Variants in OSBPL9 observed in about 807,000 individuals in gnomAD.
OSBPL9 encodes oxysterol-binding protein-related protein 9.
A neutral mutation model predicts 106.6 loss-of-function variants in OSBPL9; 40 were observed. The observed-to-expected ratio is 0.38, with a 90% CI of 0.29 to 0.49. The LOEUF (loss-of-function observed/expected upper bound fraction) is 0.49. OSBPL9 is among the 20% of genes least tolerant of loss of function. OSBPL9 has a pLI of 0.97. For missense variants in OSBPL9, 609 were observed against 887.2 expected, an observed-to-expected ratio of 0.69 and a Z score of 3.98; for synonymous variants, 269 against 295.4, an observed-to-expected ratio of 0.91 and a Z score of 0.92.
At chr1:51,686,393 T>C (rs1653811810) in intron 3 of OSBPL9, among the ~76,000 whole-genome samples, 2 of 152,224 alleles carry the variant, frequency 1.3e-5, no homozygotes, top group South Asian at 4.1e-4. Flanking sequence ...CTTTCCTTCC[T>C]TGTTACTCTT....
chr1:51,568,327 G>C, the OSBPL9 span, among the ~76,000 whole-genome samples: 2 of 152,278 alleles, frequency 1.3e-5, no homozygotes, highest in South Asian at 4.1e-4. Context: ...CCCACTTTTA[G>C]CTGGGAAAAT....
chr1:51,524,166 C>T, the OSBPL9 span, among the ~76,000 whole-genome samples: 13 of 152,244 alleles, frequency 8.5e-5, no homozygotes, highest in Admixed American at 7.9e-4. Context: ...ACAATAACAA[C>T]AATTGTGCTA....
chr1:51,760,811 T>G (rs1349307625), intron 10 of OSBPL9, 31 bp downstream of exon 10: 2 of 1,606,574 alleles, frequency 1.2e-6, no homozygotes, highest in East Asian at 4.5e-5. Flanking sequence ...TTAGATTCAT[T>G]GATGAGAAAA....
chr1:51,713,934 A>G, intron 3 of OSBPL9, 69 bp from the exon 4 acceptor site: 2 of 1,229,282 alleles, frequency 1.6e-6, no homozygotes, highest in Non-Finnish European at 2.3e-6. Context: ...TTTTAAAATG[A>G]TATTTTCAAA....
chr1:51,570,014 A>G, the OSBPL9 span, among the ~76,000 whole-genome samples: 1 of 152,200 alleles, frequency 6.6e-6, no homozygotes, highest in African/African-American at 2.4e-5. Context: ...ATTTTAAGCC[A>G]CGTTTGTCTG....
At chr1:51,780,620 A>C (rs1304901814) in intron 15 of OSBPL9, among the ~76,000 whole-genome samples, 1 of 152,208 alleles carries the variant, frequency 6.6e-6, no homozygotes, top group Non-Finnish European at 1.5e-5. Flanking sequence ...CAGGAATGAA[A>C]AACCAAGCTG....
At chr1:51,654,348 C>T (rs568841135) in intron 2 of OSBPL9, among the ~76,000 whole-genome samples, 1 of 152,104 alleles carries the variant, frequency 6.6e-6, no homozygotes, top group African/African-American at 2.4e-5. Context: ...TAATTTTTAT[C>T]AGAAATAATT....
At chr1:51,573,230 C>G (rs891787659), upstream of OSBPL9, among the ~76,000 whole-genome samples, 1 of 148,100 alleles carries the variant, frequency 6.8e-6, no homozygotes. Context: ...AAAAAAAGGT[C>G]GGGTGCAGTG....
chr1:51,602,355 C>T (rs186552701), intron 2 of OSBPL9, among the ~76,000 whole-genome samples: 1 of 151,576 alleles, frequency 6.6e-6, no homozygotes, highest in Admixed American at 6.6e-5. Flanking sequence ...ACACATGTCT[C>T]ACTGTATGGT....
intron 3 of OSBPL9, among the ~76,000 whole-genome samples, chr1:51,679,804 A>G (rs552655982): frequency 6.6e-6 from 1 of 152,222 alleles, no homozygotes; most frequent in Non-Finnish European, 1.5e-5. Flanking sequence ...TAATGGTGCC[A>G]GAGCTCTAGA....
chr1:51,525,754 C>T, the OSBPL9 span, among the ~76,000 whole-genome samples: 1 of 152,228 alleles, frequency 6.6e-6, no homozygotes, highest in Non-Finnish European at 1.5e-5. Context: ...TTCTCCATAT[C>T]ATAAACTGAA....
chr1:51,736,649 A>G (rs954655158), intron 4 of OSBPL9, among the ~76,000 whole-genome samples: 1 of 152,200 alleles, frequency 6.6e-6, no homozygotes, highest in African/African-American at 2.4e-5. Context: ...TCACGTATTT[A>G]ATGTTAATTT....
intron 1 of OSBPL9, among the ~76,000 whole-genome samples, chr1:51,590,447 C>T (rs567514243): frequency 2.0e-4 from 30 of 151,682 alleles, no homozygotes; most frequent in Admixed American, 2.6e-4. Context: ...GGTGAAACCC[C>T]GTCTCTACTA....
intron 6 of OSBPL9, among the ~76,000 whole-genome samples, chr1:51,747,738 C>T (rs992645398): frequency 1.3e-5 from 2 of 151,898 alleles, no homozygotes; most frequent in Non-Finnish European, 2.9e-5. Flanking sequence ...AAGTGAAATT[C>T]GTAGAAAAGC....
chr1:51,530,170 C>CAAAAAAAAAAAAAAAAAAAAAAA, the OSBPL9 span, among the ~76,000 whole-genome samples: 8 of 11,030 alleles, frequency 7.3e-4, no homozygotes, highest in Non-Finnish European at 1.1e-3. Context: ...GACTCTGTCT[C>CAAAAAAAAAAAAAAAAAAAAAAA]AAAAAAAAAA....
At chr1:51,742,265 A>G (rs2148988427) in intron 4 of OSBPL9, among the ~76,000 whole-genome samples, 1 of 152,338 alleles carries the variant, frequency 6.6e-6, no homozygotes, top group East Asian at 1.9e-4. Flanking sequence ...AGTACAGAAT[A>G]CTAGAATGTG....
intron 1 of OSBPL9, among the ~76,000 whole-genome samples, chr1:51,621,404 C>G (rs1256119679): frequency 1.3e-5 from 2 of 151,828 alleles, no homozygotes; most frequent in African/African-American, 4.8e-5. Flanking sequence ...AATTCAGCCT[C>G]TCCCTTCAAG....
chr1:51,554,200 G>GGA, the OSBPL9 span, among the ~76,000 whole-genome samples: 1 of 151,724 alleles, frequency 6.6e-6, no homozygotes, highest in Non-Finnish European at 1.5e-5. Context: ...ACACACAGAG[G>GGA]GAGAGAGAGA....
chr1:51,704,603 A>G (rs1262812793), intron 3 of OSBPL9, among the ~76,000 whole-genome samples: 3 of 152,194 alleles, frequency 2.0e-5, no homozygotes, highest in Non-Finnish European at 2.9e-5. Flanking sequence ...GGAAGTTTAG[A>G]TCAGGATGCC....
Sources: gnomAD v4.1 joint callset for allele counts (sites outside exome capture counted in the v4.1 genomes callset) on GRCh38, gnomAD v4.1.1 for gene constraint, MANE v1.5 for transcripts, NCBI Gene and HGNC (gene_info 2026-07-23, HGNC 2026-07-21) for gene names.